WDFY4: variants seen among roughly 807,000 people sequenced by gnomAD.
WDFY4 encodes the protein WDFY family member 4, also known as WD repeat- and FYVE domain-containing protein 4.
In WDFY4, 169 loss-of-function variants were observed where a neutral mutation model predicts 351.9. That is an observed-to-expected ratio of 0.48 (90% CI 0.42 to 0.55). The LOEUF (loss-of-function observed/expected upper bound fraction) is 0.55, where lower values mean the gene tolerates loss of function less well. WDFY4 is among the 20% of genes least tolerant of loss of function. The pLI, the probability that WDFY4 is intolerant of heterozygous loss-of-function variation, is 0.00. For synonymous variants in WDFY4, 1,622 were observed against 1,574.6 expected (o/e 1.03, Z -0.71); for missense variants, 3,803 against 3,935.6 (o/e 0.97, Z 0.90).
Position 48,982,693 on chromosome 10 carries a change from T to C in WDFY4, c.*118T>C. ...CCCAGGGCCTCCTTCCCCACAGTTC[T>C]CAAGGAAGGGCCTCTGGCAATCACA... is the stretch of plus-strand genomic sequence containing the variant. On this transcript the variant is annotated 3_prime_UTR_variant, in exon 62 of 62. Coordinates refer to ENST00000325239, the MANE Select transcript of WDFY4 (RefSeq NM_001394531.1). 1 of 1,010,984 alleles carries C rather than the reference T, an allele frequency of 9.9e-7. No individual in the cohort carries two copies. The highest frequency in any genetic ancestry group is 1.5e-6 in the Non-Finnish European group (1 of 671,546). The allele number at this position is 1,010,984 out of a possible 1,614,324, so 62.6% of individuals were successfully genotyped here. A position where few individuals can be genotyped will look rare whatever the true frequency, so the allele number is the denominator to read the frequency against.
At position 48,820,348 on chromosome 10, in the gene WDFY4, C is replaced by T. The variant is rs766055316; in HGVS notation, c.5620C>T (p.Leu1874=). 3 of 1,551,530 alleles carry T rather than the reference C, an allele frequency of 1.9e-6. No individual in the cohort carries two copies. ...CAAGGCACATCCCGCCCGGAGGAAG[C>T]TGAGGGAGTTCACGCAGCTCCTCTT... ...PTKAHPARRK[L]REFTQLLLRE... is the part of the protein sequence containing the mutation. The change falls in exon 33 of 62, where the codon CTG becomes TTG. Residue 1874 remains leucine, a synonymous_variant. Coordinates refer to ENST00000325239, the MANE Select transcript of WDFY4 (RefSeq NM_001394531.1).
chr10:48,716,283 C>G (rs188400023), intron 2 of WDFY4, among the ~76,000 whole-genome samples: 85 of 152,286 alleles, frequency 5.6e-4, no homozygotes, highest in African/African-American at 1.7e-3. Flanking sequence ...CTTTGTCATT[C>G]AAAAGCTGGG....
At chr10:48,758,575 T>A (rs1296272096) in intron 12 of WDFY4, among the ~76,000 whole-genome samples, 1 of 152,204 alleles carries the variant, frequency 6.6e-6, no homozygotes, top group African/African-American at 2.4e-5. Context: ...TTGTTACACA[T>A]GACCTTGAGT....
At chr10:48,703,392 G>A (rs2063534414) in intron 1 of WDFY4, among the ~76,000 whole-genome samples, 2 of 152,220 alleles carry the variant, frequency 1.3e-5, no homozygotes, top group South Asian at 4.1e-4. Flanking sequence ...GAGGGCCATG[G>A]CCCATTATGG....
chr10:48,863,603 T>C (rs190120469), intron 39 of WDFY4, among the ~76,000 whole-genome samples: 1 of 152,314 alleles, frequency 6.6e-6, no homozygotes, highest in African/African-American at 2.4e-5. Flanking sequence ...TATGAGTCCC[T>C]TATCAGACAT....
At chr10:48,912,176 T>C (rs907758094) in intron 47 of WDFY4, among the ~76,000 whole-genome samples, 1 of 152,240 alleles carries the variant, frequency 6.6e-6, no homozygotes, top group Non-Finnish European at 1.5e-5. Context: ...ATTGACTTGG[T>C]TGCTGTCATT....
chr10:48,852,188 G>T (rs1021220610), intron 39 of WDFY4, among the ~76,000 whole-genome samples: 1 of 152,096 alleles, frequency 6.6e-6, no homozygotes, highest in Non-Finnish European at 1.5e-5. Flanking sequence ...GGGCACAAAG[G>T]GCTCAAAGGC....
At chr10:48,921,379 A>G (rs1839062322) in intron 47 of WDFY4, among the ~76,000 whole-genome samples, 1 of 152,188 alleles carries the variant, frequency 6.6e-6, no homozygotes, top group African/African-American at 2.4e-5. Flanking sequence ...GAGAAAATGA[A>G]CTCTTTAACA....
In WDFY4 at chr10:48,963,916, G is replaced by C. The variant is rs773632189; in HGVS notation, c.8298G>C (p.Gly2766=). ...IDLIFGYKQQ[G]PAAVDAVNIF... ...TTATTTTTGGGTACAAGCAGCAGGGGCCAGCCGCAGTGGATGCTGTTAATA... is the reference window on the plus strand; with the variant it reads ...TTATTTTTGGGTACAAGCAGCAGGGCCCAGCCGCAGTGGATGCTGTTAATA... Residue 2766 remains glycine, a synonymous_variant, in exon 54 of 62, where the codon GGG becomes GGC. Coordinates refer to ENST00000325239, the MANE Select transcript of WDFY4 (RefSeq NM_001394531.1). 8 of 1,551,416 alleles carry C rather than the reference G, an allele frequency of 5.2e-6. No individual in the cohort carries two copies.
intron 1 of WDFY4, among the ~76,000 whole-genome samples, chr10:48,701,547 C>T (rs181067779): frequency 2.0e-5 from 3 of 152,292 alleles, no homozygotes; most frequent in African/African-American, 7.2e-5. Context: ...GGACAGTCTC[C>T]CCACTTGACC....
chr10:48,801,650 C>T, intron 24 of WDFY4: 1 of 371,772 alleles, frequency 2.7e-6, no homozygotes, highest in Non-Finnish European at 5.4e-6. Flanking sequence ...AAATCTGTCA[C>T]TCTTTTCCTG....
chr10:48,759,586 T>C (rs778583877), intron 12 of WDFY4, among the ~76,000 whole-genome samples: 64 of 152,106 alleles, frequency 4.2e-4, no homozygotes, highest in East Asian at 5.8e-4. Flanking sequence ...GCCTGAAAGA[T>C]GGGTTGGGAA....
chr10:48,780,742 G>A (rs750610564), intron 19 of WDFY4, among the ~76,000 whole-genome samples: 2 of 152,140 alleles, frequency 1.3e-5, no homozygotes, highest in Admixed American at 6.5e-5. Flanking sequence ...GAGAGGGCCC[G>A]GAGGACCATA....
intron 54 of WDFY4, 95 bp from the exon 55 acceptor site, chr10:48,966,431 A>T: frequency 7.4e-7 from 1 of 1,360,040 alleles, no homozygotes; most frequent in Non-Finnish European, 9.9e-7. Flanking sequence ...AGCTGTGGCA[A>T]CCCCCAGAGA....
chr10:48,807,720 T>A (rs1455285527), intron 27 of WDFY4, 139 bp from the exon 28 acceptor site: 2 of 916,010 alleles, frequency 2.2e-6, no homozygotes, highest in African/African-American at 3.4e-5. Context: ...GAGGCTGGAA[T>A]AAAATGCCAA....
At chr10:48,886,188 G>C (rs1434064735) in intron 43 of WDFY4, among the ~76,000 whole-genome samples, 1 of 152,086 alleles carries the variant, frequency 6.6e-6, no homozygotes, top group African/African-American at 2.4e-5. Flanking sequence ...ATAAAATCAG[G>C]GTATTTCACC....
At chr10:48,956,515 C>T (rs767261980) in intron 51 of WDFY4, among the ~76,000 whole-genome samples, 5 of 152,174 alleles carry the variant, frequency 3.3e-5, no homozygotes, top group Non-Finnish European at 5.9e-5. Context: ...TCCCTTCACC[C>T]TCCTCCCTCT....
chr10:48,782,745 CT>C (rs1358747016), intron 19 of WDFY4, among the ~76,000 whole-genome samples: 6 of 152,192 alleles, frequency 3.9e-5, no homozygotes, highest in Admixed American at 3.9e-4. Context: ...AATGCTGAGC[CT>C]TTGTTTTTAT....
rs913525967 is a variant in WDFY4, at chr10:48,731,144, C to G, written c.1164C>G (p.Val388=). Residue 388 remains valine, a synonymous_variant, in exon 9 of 62, where the codon GTC becomes GTG. Coordinates refer to ENST00000325239, the MANE Select transcript of WDFY4 (RefSeq NM_001394531.1). ...TTAAGAATCTTCAGGCCTTCCAGGT[C>G]CTACAGAATGTTTTCCACAAAGCCA... The part of the protein sequence containing the change: ...VTVKNLQAFQ[V]LQNVFHKASD... 9.7e-6 allele frequency: 15 copies of G among 1,549,830 alleles called. No homozygotes were observed. Among genetic ancestry groups the G allele is most frequent in the African/African-American group, 1.4e-5 (1 of 73,018 alleles).
Sources: gnomAD v4.1 joint callset for allele counts (sites outside exome capture counted in the v4.1 genomes callset) on GRCh38, gnomAD v4.1.1 for gene constraint, MANE v1.5 for transcripts, NCBI Gene and HGNC (gene_info 2026-07-23, HGNC 2026-07-21) for gene names.